Variants in INPP5K observed in about 807,000 individuals in gnomAD.
The protein encoded by INPP5K is inositol polyphosphate-5-phosphatase K, also known as inositol polyphosphate 5-phosphatase K.
A neutral mutation model predicts 53.5 loss-of-function variants in INPP5K; 35 were observed. The observed-to-expected ratio is 0.65, with a 90% CI of 0.50 to 0.87. The LOEUF (loss-of-function observed/expected upper bound fraction) is 0.87, where lower values mean the gene tolerates loss of function less well. Among genes scored for constraint, INPP5K ranks in the 40% least tolerant of loss-of-function variants. The probability of loss-of-function intolerance (pLI) is 0.00; values close to 1 mark genes in which losing one functional copy is unlikely to be tolerated. For synonymous variants in INPP5K, 253 were observed against 232.8 expected (o/e 1.09, Z -0.79); for missense variants, 550 against 586.2 (o/e 0.94, Z 0.64).
intron 7 of INPP5K, among the ~76,000 whole-genome samples, chr17:1,500,593 CT>C (rs1323986623): frequency 1.1e-4 from 17 of 152,322 alleles, no homozygotes; most frequent in African/African-American, 3.6e-4. Context: ...TCTTGATCTC[CT>C]GACCTCGTGA....
At chr17:1,514,827 A>C (rs962312009) in intron 1 of INPP5K, among the ~76,000 whole-genome samples, 1 of 151,710 alleles carries the variant, frequency 6.6e-6, no homozygotes, top group African/African-American at 2.4e-5. Context: ...AAAAGAGATA[A>C]CACCACCATA....
At chr17:1,498,884 C>G (rs534946268) in intron 7 of INPP5K, among the ~76,000 whole-genome samples, 1 of 152,274 alleles carries the variant, frequency 6.6e-6, no homozygotes, top group African/African-American at 2.4e-5. Context: ...AGGCATGGAC[C>G]ACTGTGCCTG....
At chr17:1,506,890 CT>C (rs141707414) in intron 7 of INPP5K, 89 bp downstream of exon 7, 53,515 of 898,894 alleles carry the variant, frequency 0.06, 1,864 homozygotes, top group Non-Finnish European at 0.075. Flanking sequence ...CCTGCCCCCC[CT>C]AACACTTCTA....
chr17:1,512,393 G>A (rs867292280), intron 3 of INPP5K, among the ~76,000 whole-genome samples: 2 of 152,216 alleles, frequency 1.3e-5, no homozygotes. Context: ...AAGGACTCGG[G>A]CTGGTGTTTT....
intron 1 of INPP5K, 125 bp from the exon 2 acceptor site, chr17:1,514,104 C>G: frequency 2.0e-6 from 1 of 509,454 alleles, no homozygotes. Context: ...GGGCGGATCA[C>G]CTGAGGTCGG....
intron 7 of INPP5K, among the ~76,000 whole-genome samples, chr17:1,503,917 T>G (rs2075095546): frequency 6.6e-6 from 1 of 152,110 alleles, no homozygotes; most frequent in Non-Finnish European, 1.5e-5. Context: ...TCACAGTCAC[T>G]TCATCAAACC....
chr17:1,499,686 A>G (rs950033946), intron 7 of INPP5K, among the ~76,000 whole-genome samples: 3 of 152,174 alleles, frequency 2.0e-5, no homozygotes, highest in Non-Finnish European at 4.4e-5. Context: ...TTCTAAGGCC[A>G]CCTTGTCCTT....
At chr17:1,511,551 CA>C (rs1252359984) in intron 3 of INPP5K, among the ~76,000 whole-genome samples, 2 of 152,264 alleles carry the variant, frequency 1.3e-5, no homozygotes, top group East Asian at 3.9e-4. Flanking sequence ...GGAGTCGAAG[CA>C]GGGGGAACCT....
chr17:1,496,536 T>G, intron 9 of INPP5K, 130 bp downstream of exon 9: 1 of 1,395,196 alleles, frequency 7.2e-7, no homozygotes, highest in East Asian at 2.3e-5. Context: ...ACTGCCAGCC[T>G]TTAGCTACAG....
Position 1,498,134 on chromosome 17 carries a change from G to GGGGCAA in INPP5K, c.777-13_777-12insTTGCCC, listed in dbSNP as rs750404226. 11 of 1,586,480 alleles carry GGGGCAA rather than the reference G, an allele frequency of 6.9e-6. No individual in the cohort carries two copies. Among genetic ancestry groups the GGGGCAA allele is most frequent in the Non-Finnish European group, 9.5e-6 (11 of 1,161,510 alleles). ...TGCGTTTTTTCTCACTGCAGGGGCA[G>GGGGCAA]GGGGCATAAAGAGGAAGAATGGGGA... On this transcript the variant is annotated splice_polypyrimidine_tract_variant and intron_variant, in intron 7 of 11. Coordinates refer to ENST00000421807, the MANE Select transcript of INPP5K (RefSeq NM_016532.4).
At chr17:1,505,724 G>C (rs76732451) in intron 7 of INPP5K, among the ~76,000 whole-genome samples, 3,345 of 152,256 alleles carry the variant, frequency 0.022, 128 homozygotes, top group African/African-American at 0.075. Context: ...TCTGGCTGTG[G>C]AGATATTTCT....
In INPP5K at chr17:1,506,635, G is replaced by T. The variant is rs145816874; in HGVS notation, c.776+345C>A. On this transcript the variant is annotated intron_variant, in intron 7 of 11. Transcript: ENST00000421807. Reference sequence around the variant, plus strand: ...CTGGCTGGGCCAAGCTTTCTGCCCCGTTTGGGGACCAGAAGGTCTGGGGTT... The same window carrying T: ...CTGGCTGGGCCAAGCTTTCTGCCCCTTTTGGGGACCAGAAGGTCTGGGGTT... Among the ~76,000 whole-genome samples the T allele has an allele frequency of 3.3e-3, 502 of 152,290 alleles. 4 individuals carry two copies. The highest frequency in any genetic ancestry group is 0.011 in the African/African-American group (461 of 41,564).
At chr17:1,511,718 C>T (rs1308416375) in intron 3 of INPP5K, among the ~76,000 whole-genome samples, 2 of 152,148 alleles carry the variant, frequency 1.3e-5, no homozygotes, top group African/African-American at 4.8e-5. Flanking sequence ...CCATGAGGGG[C>T]TGACTCCCAG....
rs753780170 is a variant in INPP5K, at chr17:1,498,091, G to A, written c.808C>T (p.Arg270Cys). 15 of 1,613,434 alleles carry A rather than the reference G, an allele frequency of 9.3e-6. No homozygotes were observed. The highest frequency in any genetic ancestry group is 1.6e-4 in the Middle Eastern group (1 of 6,082). ...TGCCGCTTCAGCCTCCACAGGATGC[G>A]ATCGGTCCATGCAGGCTTGCGTTTT... ...EKKRKPAWTD[R>C]ILWRLKRQPC... Residue 270 changes from arginine (R) to cysteine (C), a missense_variant, in exon 8 of 12, where the codon CGC becomes TGC. By Grantham distance (180) the Arg-to-Cys change is radical. Coordinates refer to ENST00000421807, the MANE Select transcript of INPP5K (RefSeq NM_016532.4).
Position 1,496,659 on chromosome 17 carries a change from A to G in INPP5K, c.1101+7T>C. The G allele has an allele frequency of 1.9e-6, 3 of 1,614,046 alleles. No homozygotes were observed. The highest frequency in any genetic ancestry group is 1.7e-6 in the Non-Finnish European group (2 of 1,179,952). On this transcript the variant is annotated splice_region_variant and intron_variant, in intron 9 of 11. Coordinates refer to ENST00000421807, the MANE Select transcript of INPP5K (RefSeq NM_016532.4). ...CTGATGGACTTCCTGCCTTGCCACC[A>G]CATCACCTTGTACAGTCCAATCCAG...
chr17:1,515,311 AG>A (rs906978043), intron 1 of INPP5K: 1 of 388,080 alleles, frequency 2.6e-6, no homozygotes, highest in African/African-American at 2.2e-5. Context: ...TCTGGGGAAA[AG>A]TCATCAGTTG....
At chr17:1,498,313 GC>G in intron 7 of INPP5K, 191 bp from the exon 8 acceptor site, 1 of 491,728 alleles carries the variant, frequency 2.0e-6, no homozygotes, top group South Asian at 3.8e-5. Flanking sequence ...TCCAAAGTAT[GC>G]CAGCACTTGT....
At chr17:1,513,038 A>T (rs1415422956) in intron 3 of INPP5K, among the ~76,000 whole-genome samples, 3 of 152,226 alleles carry the variant, frequency 2.0e-5, no homozygotes, top group Non-Finnish European at 4.4e-5. Flanking sequence ...TTAAAATAAC[A>T]TATATACTAT....
At chr17:1,508,382 G>A in intron 5 of INPP5K, 156 bp from the exon 6 acceptor site, 3 of 645,590 alleles carry the variant, frequency 4.6e-6, no homozygotes, top group Non-Finnish European at 8.3e-6. Context: ...CTCTGGAACT[G>A]TTCTCATGGC....
Sources: allele counts gnomAD v4.1 joint callset (sites outside exome capture counted in the v4.1 genomes callset), GRCh38; gene constraint gnomAD v4.1.1; transcripts MANE v1.5; gene names NCBI Gene and HGNC (gene_info 2026-07-23, HGNC 2026-07-21).